PLEKHG3: variants seen among roughly 807,000 people sequenced by gnomAD.
PLEKHG3 encodes the protein pleckstrin homology and RhoGEF domain containing G3, also known as pleckstrin homology domain-containing family G member 3.
Under a neutral mutation model 94.9 loss-of-function variants are expected in PLEKHG3, and 62 were observed. The observed-to-expected ratio is 0.65, with a 90% confidence interval of 0.53 to 0.81. PLEKHG3 has a LOEUF of 0.81. Among genes scored for constraint, PLEKHG3 ranks in the 30% least tolerant of loss-of-function variants. The pLI is 0.00. For synonymous variants in PLEKHG3, 614 were observed against 654.0 expected (o/e 0.94, Z 0.93); for missense variants, 1,461 against 1,619.3 (o/e 0.90, Z 1.68).
At chr14:64,737,901 C>T in intron 14 of PLEKHG3, 1 of 1,208,976 alleles carries the variant, frequency 8.3e-7, no homozygotes, top group Non-Finnish European at 1.0e-6. Flanking sequence ...CTTTGGGCAG[C>T]CCTCCCGTAC....
At chr14:64,714,746 C>T (rs2081111833) in intron 1 of PLEKHG3, among the ~76,000 whole-genome samples, 1 of 152,162 alleles carries the variant, frequency 6.6e-6, no homozygotes, top group Non-Finnish European at 1.5e-5. Context: ...GCCTTCCCTT[C>T]CCAAACTTAA....
At position 64,728,840 on chromosome 14, in the gene PLEKHG3, G is replaced by T. The variant is rs2081402789; in HGVS notation, c.352-156G>T. On this transcript the variant is annotated intron_variant, in intron 2 of 16. Transcript: ENST00000247226. This position sits in a 1 kb window ranked among gnomAD's most constrained non-coding sequence, Gnocchi z 5.9. ...TTTCCAAATAAAGTCACATTCTGGG[G>T]TTCCAAGTGGACATGAATTTTGGGG... Among the ~76,000 whole-genome samples the T allele has an allele frequency of 1.3e-5, 2 of 152,194 alleles. No individual in the cohort carries two copies. Among genetic ancestry groups the T allele is most frequent in the Admixed American group, 6.5e-5 (1 of 15,268 alleles).
Position 64,721,156 on chromosome 14 carries a change from A to G in PLEKHG3, c.-39-6437A>G, listed in dbSNP as rs1331134554. 6.6e-6 allele frequency among the ~76,000 whole-genome samples: 1 copy of G among 152,188 alleles called. No homozygotes were observed. Among genetic ancestry groups the G allele is most frequent in the East Asian group, 1.9e-4 (1 of 5,198 alleles). ...TGGGTGGGGGCATTATTCAGCTTACACTAGTGTGTATGTTGGGAAATGGTT... is the reference window on the plus strand; with the variant it reads ...TGGGTGGGGGCATTATTCAGCTTACGCTAGTGTGTATGTTGGGAAATGGTT... On this transcript the variant is annotated intron_variant, in intron 1 of 16. Transcript: ENST00000247226. This position sits in a 1 kb window ranked among gnomAD's most constrained non-coding sequence, Gnocchi z 4.3.
intron 1 of PLEKHG3, among the ~76,000 whole-genome samples, chr14:64,710,367 C>T (rs1405507001): frequency 6.6e-6 from 1 of 152,132 alleles, no homozygotes; most frequent in East Asian, 1.9e-4. Context: ...TGGGAAGAAG[C>T]AGCAAATGAA....
chr14:64,732,345 C>T lies in PLEKHG3; in HGVS notation c.1213-82C>T, dbSNP rs189521799. ...TTGGTGCAGCACTGTGGGGTGTCCT[C>T]GTACAGCAACAGTGGGTCCTATGGG... On this transcript the variant is annotated intron_variant, in intron 10 of 16. Transcript: ENST00000247226. The surrounding 1 kb of genome is among the most constrained non-coding windows in gnomAD (Gnocchi z 4.9). The T allele has an allele frequency of 3.7e-4, 508 of 1,365,074 alleles. No homozygotes were observed. The highest frequency in any genetic ancestry group is 5.4e-4 in the Middle Eastern group (3 of 5,580). 84.6% of individuals were successfully genotyped at this position (1,365,074 alleles called of 1,614,324 possible). A position where few individuals can be genotyped will look rare whatever the true frequency, so the allele number is the denominator to read the frequency against.
rs2081284947 is a variant in PLEKHG3 at position 64,722,754 on chromosome 14, C to T, written c.-39-4839C>T. 6.6e-6 allele frequency among the ~76,000 whole-genome samples: 1 copy of T among 152,150 alleles called. No homozygotes were observed. Among genetic ancestry groups the T allele is most frequent in the Admixed American group, 6.5e-5 (1 of 15,290 alleles). On this transcript the variant is annotated intron_variant, in intron 1 of 16. Coordinates refer to ENST00000247226, the MANE Select transcript of PLEKHG3 (RefSeq NM_001308147.2). The surrounding 1 kb of genome is among the most constrained non-coding windows in gnomAD (Gnocchi z 4.3). ...AGTCTGGTGTGCCCACCAGAGGGTTCACCCCCAAGTGTCCTCTTCCCCTCT... is the reference window on the plus strand; with the variant it reads ...AGTCTGGTGTGCCCACCAGAGGGTTTACCCCCAAGTGTCCTCTTCCCCTCT...
rs769517717 is a variant in PLEKHG3 at position 64,731,553 on chromosome 14, C to CCCTG, written c.1032+13_1032+16dup. ...CAAGGGCAACATCCCGGTAACCAGG[C>CCCTG]CCTGCCCCATCTCCTCTGCCATCTT... On this transcript the variant is annotated intron_variant, in intron 8 of 16. Coordinates refer to ENST00000247226, the MANE Select transcript of PLEKHG3 (RefSeq NM_001308147.2). This position sits in a 1 kb window ranked among gnomAD's most constrained non-coding sequence, Gnocchi z 6.1. 6.2e-7 allele frequency: 1 copy of CCCTG among 1,612,678 alleles called. No individual in the cohort carries two copies. Among genetic ancestry groups the CCCTG allele is most frequent in the East Asian group, 2.2e-5 (1 of 44,860 alleles).
Position 64,728,191 on chromosome 14 carries a change from C to T in PLEKHG3, c.351+209C>T, listed in dbSNP as rs1308142385. Reference sequence around the variant, plus strand: ...AGCTTGGGCCGACAGGAGTGAGCATCGTTGATAGGGTGGATCCCCAGCCTG... The same window carrying T: ...AGCTTGGGCCGACAGGAGTGAGCATTGTTGATAGGGTGGATCCCCAGCCTG... On this transcript the variant is annotated intron_variant, in intron 2 of 16. Coordinates refer to ENST00000247226, the MANE Select transcript of PLEKHG3 (RefSeq NM_001308147.2). The surrounding 1 kb of genome is among the most constrained non-coding windows in gnomAD (Gnocchi z 5.9). Among the ~76,000 whole-genome samples, 1 of 152,226 alleles carries T rather than the reference C, an allele frequency of 6.6e-6. No individual in the cohort carries two copies. The highest frequency in any genetic ancestry group is 2.4e-5 in the African/African-American group (1 of 41,466).
intron 1 of PLEKHG3, among the ~76,000 whole-genome samples, chr14:64,712,016 G>A (rs1046942107): frequency 1.3e-5 from 2 of 152,080 alleles, no homozygotes; most frequent in Admixed American, 1.3e-4. Flanking sequence ...TTTTGTATAT[G>A]GTTTGAAATA....
In PLEKHG3 at chr14:64,747,909, G is replaced by T. The variant is rs954543769; in HGVS notation, c.*4206G>T. The T allele has an allele frequency of 3.3e-5, 5 of 151,540 alleles. No homozygotes were observed. The highest frequency in any genetic ancestry group is 6.6e-5 in the Admixed American group (1 of 15,148). 9.4% of individuals were successfully genotyped at this position (151,540 alleles called of 1,614,324 possible). A position where few individuals can be genotyped will look rare whatever the true frequency, so the allele number is the denominator to read the frequency against. On this transcript the variant is annotated 3_prime_UTR_variant, in exon 17 of 17. Transcript: ENST00000247226. ...GGAGTAGAGTGGTGGGGAAAATATG[G>T]AATGAGCTTTCTCTTCCTCCAGAAG...
rs1470564118 is a variant in PLEKHG3, at chr14:64,726,272, G to T, written c.-39-1321G>T. On this transcript the variant is annotated intron_variant, in intron 1 of 16. Coordinates refer to ENST00000247226, the MANE Select transcript of PLEKHG3 (RefSeq NM_001308147.2). The surrounding 1 kb of genome is among the most constrained non-coding windows in gnomAD (Gnocchi z 5.1). ...AGTGTCAAGGGTTCCCAGAGTAATG[G>T]CAGCTTCTAGATTCTTCTCCTTGTA... Among the ~76,000 whole-genome samples the T allele has an allele frequency of 6.6e-6, 1 of 152,108 alleles. No homozygotes were observed. The highest frequency in any genetic ancestry group is 2.1e-4 in the South Asian group (1 of 4,824).
Position 64,730,322 on chromosome 14 carries a change from G to T in PLEKHG3, c.519+10G>T, listed in dbSNP as rs752860622. The T allele has an allele frequency of 1.1e-5, 17 of 1,517,514 alleles. No individual in the cohort carries two copies. Among genetic ancestry groups the T allele is most frequent in the Non-Finnish European group, 1.5e-5 (17 of 1,130,100 alleles). 94.0% of individuals were successfully genotyped at this position (1,517,514 alleles called of 1,614,324 possible). ...CTGCTTTGTGGAAAGGGTAAGAAGG[G>T]CTGGGTCCTTGCCTCTGTCCTACCT... On this transcript the variant is annotated intron_variant, in intron 4 of 16. Coordinates refer to ENST00000247226, the MANE Select transcript of PLEKHG3 (RefSeq NM_001308147.2). The surrounding 1 kb of genome is among the most constrained non-coding windows in gnomAD (Gnocchi z 5.4).
At position 64,742,151 on chromosome 14, in the gene PLEKHG3, C is replaced by G. The variant is rs945792846; in HGVS notation, c.2634C>G (p.Ala878=). Reference sequence around the variant, plus strand: ...CTCCCACTGAGGGGCGCAGCCCGGCCCACCTGGCCCGGGAGCTGAAAGAGC... The same window carrying G: ...CTCCCACTGAGGGGCGCAGCCCGGCGCACCTGGCCCGGGAGCTGAAAGAGC... The part of the protein sequence containing the change: ...SSSPTEGRSP[A]HLARELKELV... The change falls in exon 16 of 17, where the codon GCC becomes GCG. Residue 878 remains alanine, a synonymous_variant. Transcript: ENST00000247226. 6.2e-7 allele frequency: 1 copy of G among 1,611,910 alleles called. No individual in the cohort carries two copies. Among genetic ancestry groups the G allele is most frequent in the African/African-American group, 1.3e-5 (1 of 74,954 alleles).
In PLEKHG3 at chr14:64,730,844, C is replaced by A. The variant is rs1182491467; in HGVS notation, c.612C>A (p.Ala204=). The part of the protein sequence containing the change: ...LTECMRDKQQ[A]KFFRDRQELL... ...AATGCATGCGGGACAAGCAGCAGGCCAAGTTCTTTCGGGACCGGCAGGAGC... is the reference window on the plus strand; with the variant it reads ...AATGCATGCGGGACAAGCAGCAGGCAAAGTTCTTTCGGGACCGGCAGGAGC... The change falls in exon 6 of 17, where the codon GCC becomes GCA. Residue 204 remains alanine (A), a synonymous_variant. Coordinates refer to ENST00000247226, the MANE Select transcript of PLEKHG3 (RefSeq NM_001308147.2). This position sits in a 1 kb window ranked among gnomAD's most constrained non-coding sequence, Gnocchi z 5.4. The A allele has an allele frequency of 3.1e-6, 5 of 1,613,386 alleles. No individual in the cohort carries two copies. In the South Asian group the frequency reaches 4.4e-5, roughly 14 times the overall value.
chr14:64,732,106 G>A lies in PLEKHG3; in HGVS notation c.1137G>A (p.Val379=). The change falls in exon 10 of 17, where the codon GTG becomes GTA. Residue 379 remains valine, a synonymous_variant. Transcript: ENST00000247226. This position sits in a 1 kb window ranked among gnomAD's most constrained non-coding sequence, Gnocchi z 4.9. ...TTGGGTCCTCCCAGGCCAAGACAGT[G>A]GAGGAGAAACGGAACTGGACTCACC... ...KQQYSIQAKT[V]EEKRNWTHHI... 1 of 1,613,498 alleles carries A rather than the reference G, an allele frequency of 6.2e-7. No individual in the cohort carries two copies. Among genetic ancestry groups the A allele is most frequent in the African/African-American group, 1.3e-5 (1 of 75,026 alleles).
rs1377126091 is a variant in PLEKHG3 at position 64,742,413 on chromosome 14, C to T, written c.2896C>T (p.Pro966Ser). The T allele has an allele frequency of 6.2e-7, 1 of 1,612,368 alleles. No individual in the cohort carries two copies. Among genetic ancestry groups the T allele is most frequent in the Admixed American group, 1.7e-5 (1 of 60,024 alleles). The change falls in exon 16 of 17, where the codon CCC (proline) becomes TCC (serine). Residue 966 changes from proline to serine, a missense_variant. Pro to Ser is a moderately conservative substitution (Grantham distance 74). Coordinates refer to ENST00000247226, the MANE Select transcript of PLEKHG3 (RefSeq NM_001308147.2). The part of the protein sequence containing the change: ...PERDGKSPTV[P>S]CLQEEAGEPL... ...GAGGGATGGGAAGAGCCCCACTGTG[C>T]CCTGTCTACAGGAAGAGGCTGGAGA...
rs1031744066 is a variant in PLEKHG3 at position 64,730,704 on chromosome 14, G to T, written c.566+16G>T. 2 of 1,612,536 alleles carry T rather than the reference G, an allele frequency of 1.2e-6. No homozygotes were observed. The highest frequency in any genetic ancestry group is 1.7e-6 in the Non-Finnish European group (2 of 1,178,508). On this transcript the variant is annotated intron_variant, in intron 5 of 16. Coordinates refer to ENST00000247226, the MANE Select transcript of PLEKHG3 (RefSeq NM_001308147.2). This position sits in a 1 kb window ranked among gnomAD's most constrained non-coding sequence, Gnocchi z 5.4. Reference sequence around the variant, plus strand: ...ATTACCCCAAGTGAGTAATTGGGGTGAGAGGGAAGGCAGAGCCATTTGGTG... The same window carrying T: ...ATTACCCCAAGTGAGTAATTGGGGTTAGAGGGAAGGCAGAGCCATTTGGTG...
chr14:64,731,155 G>T lies in PLEKHG3; in HGVS notation c.835G>T (p.Ala279Ser). The change falls in exon 7 of 17, where the codon GCG becomes TCG. Residue 279 changes from alanine to serine, a missense_variant. By Grantham distance (99) the Ala-to-Ser change is moderately conservative. Around this residue, in one of 3 missense-constraint regions of PLEKHG3, gnomAD observed 1,201 missense variants for 1,295.5 expected, o/e 0.93. Coordinates refer to ENST00000247226, the MANE Select transcript of PLEKHG3 (RefSeq NM_001308147.2). This position sits in a 1 kb window ranked among gnomAD's most constrained non-coding sequence, Gnocchi z 6.1. ...INDMKRRHEH[A>S]VRLQEIQSLL... is the part of the protein sequence containing the mutation. Reference sequence around the variant, plus strand: ...CGACATGAAGAGGAGGCATGAGCACGCGGTCCGGCTCCAGGTGCTCTGGGG... The same window carrying T: ...CGACATGAAGAGGAGGCATGAGCACTCGGTCCGGCTCCAGGTGCTCTGGGG... The T allele has an allele frequency of 6.2e-7, 1 of 1,612,248 alleles. No individual in the cohort carries two copies. The highest frequency in any genetic ancestry group is 1.1e-5 in the South Asian group (1 of 91,016).
In PLEKHG3 at chr14:64,727,353, C is replaced by T. The variant is rs1428521964; in HGVS notation, c.-39-240C>T. Among the ~76,000 whole-genome samples, 2 of 152,170 alleles carry T rather than the reference C, an allele frequency of 1.3e-5. No homozygotes were observed. The highest frequency in any genetic ancestry group is 2.9e-5 in the Non-Finnish European group (2 of 68,032). On this transcript the variant is annotated intron_variant, in intron 1 of 16. Transcript: ENST00000247226. The surrounding 1 kb of genome is among the most constrained non-coding windows in gnomAD (Gnocchi z 6.0). ...TTGTGTTAAATGTAAATACACATAACATAAAATTTACCATCTTCACCATTT... is the reference window on the plus strand; with the variant it reads ...TTGTGTTAAATGTAAATACACATAATATAAAATTTACCATCTTCACCATTT...
Sources: gnomAD v4.1 joint callset for allele counts (sites outside exome capture counted in the v4.1 genomes callset) on GRCh38, gnomAD v4.1.1 for gene constraint, gnomAD v4.1.1 regional missense constraint, Gnocchi (gnomAD v3.1) non-coding constraint, MANE v1.5 for transcripts, NCBI Gene and HGNC (gene_info 2026-07-23, HGNC 2026-07-21) for gene names.